COL4A1: variants seen among roughly 807,000 people sequenced by gnomAD.
The protein encoded by COL4A1 is collagen type IV alpha 1 chain, also known as collagen alpha-1(IV) chain.
Under a neutral mutation model 216.6 loss-of-function variants are expected in COL4A1, and 40 were observed. That is an observed-to-expected ratio of 0.18 (90% CI 0.14 to 0.24). The LOEUF is 0.24. Among genes scored for constraint, COL4A1 ranks in the 10% least tolerant of loss-of-function variants. COL4A1 has a pLI of 1.00. For missense variants in COL4A1, 1,628 were observed against 2,196.8 expected, an observed-to-expected ratio of 0.74 and a Z score of 5.18; for synonymous variants, 839 against 810.7, an observed-to-expected ratio of 1.03 and a Z score of -0.59.
At chr13:110,250,968 G>T (rs1882047073) in intron 1 of COL4A1, among the ~76,000 whole-genome samples, 1 of 152,240 alleles carries the variant, frequency 6.6e-6, no homozygotes, top group South Asian at 2.1e-4. Context: ...GTCACTCTTA[G>T]CTACTCTTCC....
chr13:110,232,592 C>T (rs1311265562), intron 2 of COL4A1, among the ~76,000 whole-genome samples: 3 of 152,288 alleles, frequency 2.0e-5, no homozygotes, highest in Non-Finnish European at 2.9e-5. Context: ...AGCTATTTTC[C>T]TGCCAGCCAA....
intron 51 of COL4A1, among the ~76,000 whole-genome samples, 178 bp from the exon 52 acceptor site, chr13:110,150,622 G>A (rs545148199): frequency 7.7e-4 from 117 of 152,302 alleles, no homozygotes; most frequent in Middle Eastern, 3.4e-3. Flanking sequence ...ACGGTCCCAC[G>A]CACACAGAAC....
At position 110,170,099 on chromosome 13, in the gene COL4A1, GAGGAAGGGAGGAAAGA is replaced by G. The variant is rs1232738655; in HGVS notation, c.3743-353_3743-338del. Among the ~76,000 whole-genome samples the G allele has an allele frequency of 7.5e-3, 912 of 122,282 alleles. 18 individuals carry two copies. Among genetic ancestry groups the G allele is most frequent in the African/African-American group, 0.028 (879 of 31,536 alleles). 80.2% of individuals were successfully genotyped at this position (122,282 alleles called of 152,430 possible). On this transcript the variant is annotated intron_variant, in intron 42 of 51. Coordinates refer to ENST00000375820, the MANE Select transcript of COL4A1 (RefSeq NM_001845.6). ...AGGGGAGGGGAAGGAGGGAGGGAGAGAGGAAGGGAGGAAAGAAGGAAGGAAGGAAGGAAGGAAGGAA... is the reference window on the plus strand; with the variant it reads ...AGGGGAGGGGAAGGAGGGAGGGAGAGAGGAAGGAAGGAAGGAAGGAAGGAA...
Position 110,161,348 on chromosome 13 carries a change from C to A in COL4A1, c.4484G>T (p.Arg1495Leu). The A allele has an allele frequency of 3.7e-6, 6 of 1,613,208 alleles. No individual in the cohort carries two copies. Among genetic ancestry groups the A allele is most frequent in the South Asian group, 1.1e-5 (1 of 90,972 alleles). ...QDLGTAGSCL[R>L]KFSTMPFLFC... ...CAGGAAGGGCATTGTGCTGAACTTGCGCAGGCAGCTGCCGGCCGTGCCTAG... is the reference window on the plus strand; with the variant it reads ...CAGGAAGGGCATTGTGCTGAACTTGAGCAGGCAGCTGCCGGCCGTGCCTAG... The change falls in exon 49 of 52, where the codon CGC (arginine) becomes CTC (leucine). Residue 1495 changes from arginine to leucine, a missense_variant. Arg to Leu is a moderately radical substitution (Grantham distance 102). Transcript: ENST00000375820.
chr13:110,286,236 C>T (rs1036901402), intron 1 of COL4A1, among the ~76,000 whole-genome samples: 2 of 152,192 alleles, frequency 1.3e-5, no homozygotes, highest in African/African-American at 4.8e-5. Flanking sequence ...GGGACTCAGC[C>T]ACTTGACACT....
intron 1 of COL4A1, among the ~76,000 whole-genome samples, chr13:110,302,486 G>A (rs1183430374): frequency 6.6e-6 from 1 of 152,162 alleles, no homozygotes; most frequent in African/African-American, 2.4e-5. Flanking sequence ...ACCACGCAGA[G>A]CTGCCCCTGC....
At chr13:110,249,362 G>C (rs1881977752) in intron 1 of COL4A1, among the ~76,000 whole-genome samples, 1 of 152,092 alleles carries the variant, frequency 6.6e-6, no homozygotes, top group African/African-American at 2.4e-5. Context: ...ACGTGCTTAA[G>C]CCTGTTCACA....
At chr13:110,250,051 C>T (rs946198594) in intron 1 of COL4A1, among the ~76,000 whole-genome samples, 2 of 152,082 alleles carry the variant, frequency 1.3e-5, no homozygotes, top group South Asian at 2.1e-4. Context: ...TCATCATTAA[C>T]TCCCCTGAAA....
At chr13:110,170,113 AGAAGGAAGGAAGGAAGGAAG>A (rs58546192) in intron 42 of COL4A1, among the ~76,000 whole-genome samples, 72,197 of 123,022 alleles carry the variant, frequency 0.59, 19,537 homozygotes, top group East Asian at 0.67. Context: ...AAGGGAGGAA[AGAAGGAAGGAAGGAAGGAAG>A]GAAGGAAGGA....
Position 110,169,793 on chromosome 13 carries a change from G to A in COL4A1, c.3743-31C>T, listed in dbSNP as rs777286213. On this transcript the variant is annotated intron_variant, in intron 42 of 51. Coordinates refer to ENST00000375820, the MANE Select transcript of COL4A1 (RefSeq NM_001845.6). The stretch of plus-strand genomic sequence containing the variant: ...GGAAGAGAAGAAAGCCACACATTTG[G>A]GGTTAAATATGCACAAGTGTCCCTG... 1.9e-6 allele frequency: 3 copies of A among 1,613,436 alleles called. No individual in the cohort carries two copies. The South Asian group carries it at 3.3e-5, about 18-fold the overall frequency.
chr13:110,201,204 G>A (rs991295281), intron 19 of COL4A1, among the ~76,000 whole-genome samples: 1 of 150,068 alleles, frequency 6.7e-6, no homozygotes, highest in Non-Finnish European at 1.5e-5. Flanking sequence ...TAGACAAAAA[G>A]AGGGGAAGAA....
In COL4A1 at chr13:110,209,908, T is replaced by C. The variant is rs147152073; in HGVS notation, c.615+72A>G. ...ACTGTGTAAAGTTTTTACTAAATTA[T>C]TATTTATTTTCAAACCTCAATATAG... is the stretch of plus-strand genomic sequence containing the variant. On this transcript the variant is annotated intron_variant, in intron 10 of 51. Transcript: ENST00000375820. 38 of 1,521,478 alleles carry C rather than the reference T, an allele frequency of 2.5e-5. No individual in the cohort carries two copies. In the African/African-American group the frequency reaches 3.7e-4, roughly 15 times the overall value. The allele number at this position is 1,521,478 out of a possible 1,614,324, so 94.2% of individuals were successfully genotyped here. A position where few individuals can be genotyped will look rare whatever the true frequency, so the allele number is the denominator to read the frequency against.
intron 2 of COL4A1, among the ~76,000 whole-genome samples, chr13:110,232,483 A>C (rs1881106591): frequency 6.6e-6 from 1 of 152,202 alleles, no homozygotes; most frequent in African/African-American, 2.4e-5. Context: ...ACAGGAGGAA[A>C]ATCCCATTGC....
Position 110,259,684 on chromosome 13 carries a change from G to A in COL4A1, c.85-16950C>T, listed in dbSNP as rs891036999. ...AAACTAAAAGTGTATTTTTAAGAAC[G>A]TGTTTGCAACATGGTAAAATATTCT... On this transcript the variant is annotated intron_variant, in intron 1 of 51. Coordinates refer to ENST00000375820, the MANE Select transcript of COL4A1 (RefSeq NM_001845.6). 3.3e-5 allele frequency among the ~76,000 whole-genome samples: 5 copies of A among 152,274 alleles called. No homozygotes were observed. In the East Asian group the frequency reaches 5.8e-4, roughly 18 times the overall value.
intron 1 of COL4A1, among the ~76,000 whole-genome samples, chr13:110,254,999 A>G: frequency 6.6e-6 from 1 of 152,210 alleles, no homozygotes; most frequent in East Asian, 1.9e-4. Flanking sequence ...GCTGGTTAAG[A>G]GGAGAGAAGC....
At chr13:110,169,583 A>G in intron 43 of COL4A1, 46 bp downstream of exon 43, 1 of 1,611,914 alleles carries the variant, frequency 6.2e-7, no homozygotes, top group Non-Finnish European at 8.5e-7. Flanking sequence ...ACTTCTGGCC[A>G]GAAAAGACTC....
rs762408881 is a variant in COL4A1 at position 110,192,845 on chromosome 13, G to A, written c.1450C>T (p.Pro484Ser). The A allele has an allele frequency of 1.2e-6, 2 of 1,613,924 alleles. No homozygotes were observed. Among genetic ancestry groups the A allele is most frequent in the Non-Finnish European group, 1.7e-6 (2 of 1,179,890 alleles). The change falls in exon 23 of 52, where the codon CCC (proline) becomes TCC (serine). Residue 484 changes from proline (P) to serine (S), a missense_variant. Physicochemically the swap from Pro to Ser is moderately conservative, Grantham distance 74. This residue lies in a region of COL4A1 where 701 missense variants were observed against 892.5 expected (regional missense o/e 0.79). Transcript: ENST00000375820. The part of the protein sequence containing the change: ...GYRGPPGPQG[P>S]PGEIGFPGQP... ...TGGGTCTTACCTATTTCTCCCGGGG[G>A]TCCCTGTGGCCCGGGAGGCCCCCGA... is the stretch of plus-strand genomic sequence containing the variant.
chr13:110,281,015 T>C (rs1261637339), intron 1 of COL4A1, among the ~76,000 whole-genome samples: 1 of 152,202 alleles, frequency 6.6e-6, no homozygotes, highest in East Asian at 1.9e-4. Context: ...ACCCCAACCA[T>C]GTGTCCCATT....
intron 37 of COL4A1, 61 bp from the exon 38 acceptor site, chr13:110,174,810 A>G (rs993421228): frequency 2.7e-5 from 39 of 1,455,902 alleles, no homozygotes; most frequent in African/African-American, 5.6e-5. Context: ...ATCTGTAGGC[A>G]TGTTATAGAT....
Sources: gnomAD v4.1 joint callset for allele counts (sites outside exome capture counted in the v4.1 genomes callset) on GRCh38, gnomAD v4.1.1 for gene constraint, gnomAD v4.1.1 regional missense constraint, MANE v1.5 for transcripts, NCBI Gene and HGNC (gene_info 2026-07-23, HGNC 2026-07-21) for gene names.